Variants in TRIT1 observed in about 807,000 individuals in gnomAD.
TRIT1 encodes tRNA isopentenyltransferase 1.
Under a neutral mutation model 51.2 loss-of-function variants are expected in TRIT1, and 43 were observed. That is an observed-to-expected ratio of 0.84 (90% CI 0.66 to 1.08). The LOEUF is 1.08. Among genes scored for constraint, TRIT1 ranks in the 50% least tolerant of loss-of-function variants. The pLI is 0.00. For missense variants in TRIT1, 528 were observed against 578.4 expected (o/e 0.91, Z 0.89); for synonymous variants, 184 against 203.9 (o/e 0.90, Z 0.83).
intron 1 of TRIT1, among the ~76,000 whole-genome samples, chr1:39,871,903 T>A (rs959626612): frequency 1.3e-5 from 2 of 152,002 alleles, no homozygotes; most frequent in Admixed American, 6.6e-5. Context: ...ATGCAAAAAA[T>A]TTTTAAAAAT....
intron 1 of TRIT1, among the ~76,000 whole-genome samples, chr1:39,874,053 T>C (rs1643967452): frequency 6.6e-6 from 1 of 151,918 alleles, no homozygotes; most frequent in Non-Finnish European, 1.5e-5. Flanking sequence ...TACAACTATT[T>C]CAAAATCAAA....
rs574092839 is a variant in TRIT1, at chr1:39,838,911, G to A, written c.*2833C>T. On this transcript the variant is annotated 3_prime_UTR_variant, in exon 11 of 11. Coordinates refer to ENST00000316891, the MANE Select transcript of TRIT1 (RefSeq NM_017646.6). The stretch of plus-strand genomic sequence containing the variant: ...CAAAAAATTACTGAGAGTTAGGAAG[G>A]ATCAAGCCATATTCCTGGAATACAG... 1.3e-5 allele frequency among the ~76,000 whole-genome samples: 2 copies of A among 152,282 alleles called. No homozygotes were observed. Among genetic ancestry groups the A allele is most frequent in the East Asian group, 1.9e-4 (1 of 5,182 alleles).
intron 2 of TRIT1, 152 bp from the exon 3 acceptor site, chr1:39,854,220 C>T: frequency 1.7e-6 from 1 of 604,932 alleles, no homozygotes; most frequent in East Asian, 2.9e-5. Context: ...GTGTTTCCAA[C>T]AAATTTCCAG....
In TRIT1 at chr1:39,840,009, C is replaced by T. The variant is rs1357630666; in HGVS notation, c.*1735G>A. On this transcript the variant is annotated 3_prime_UTR_variant, in exon 11 of 11. Coordinates refer to ENST00000316891, the MANE Select transcript of TRIT1 (RefSeq NM_017646.6). ...TAGCTTGAGTCTACCAGCCTCACCT[C>T]AATTCCAGCTCTACCGCTTGCTAGC... Among the ~76,000 whole-genome samples the T allele has an allele frequency of 6.6e-6, 1 of 152,206 alleles. No homozygotes were observed. The highest frequency in any genetic ancestry group is 1.5e-5 in the Non-Finnish European group (1 of 68,040).
At position 39,847,562 on chromosome 1, in the gene TRIT1, T is replaced by C; in HGVS notation, c.914A>G (p.Gln305Arg). 6.2e-7 allele frequency: 1 copy of C among 1,614,216 alleles called. No homozygotes were observed. ...EGKCTLETSNQLLKKGIEALK... is the reference protein window; with the variant it reads ...EGKCTLETSNRLLKKGIEALK... ...AGAATTCACACCTTTCTTTAGAAGC[T>C]GGTTACTAGTCTCCAGTGTGCATTT... is the stretch of plus-strand genomic sequence containing the variant. The change falls in exon 7 of 11, where the codon CAG (glutamine) becomes CGG (arginine). Residue 305 changes from glutamine (Q) to arginine (R), a missense_variant. Physicochemically the swap from Gln to Arg is conservative, Grantham distance 43. This residue lies in a region of TRIT1 where 468 missense variants were observed against 522.6 expected (regional missense o/e 0.90). Transcript: ENST00000316891.
intron 8 of TRIT1, 189 bp downstream of exon 8, chr1:39,847,031 T>A (rs963561291): frequency 1.9e-5 from 3 of 162,054 alleles, no homozygotes; most frequent in African/African-American, 1.2e-4. Context: ...ATGCAAATAA[T>A]TTTTTTTTTT....
At chr1:39,852,680 C>G in intron 4 of TRIT1, 51 bp downstream of exon 4, 1 of 1,586,988 alleles carries the variant, frequency 6.3e-7, no homozygotes, top group Non-Finnish European at 8.6e-7. Context: ...GAAGAACTGA[C>G]TGCTCTCTAG....
intron 1 of TRIT1, among the ~76,000 whole-genome samples, chr1:39,878,985 C>T (rs1210104660): frequency 1.3e-5 from 2 of 152,170 alleles, no homozygotes; most frequent in African/African-American, 2.4e-5. Context: ...GTTAAAAACT[C>T]CTGGCCTGGC....
At chr1:39,850,454 A>C (rs1193764351) in intron 4 of TRIT1, among the ~76,000 whole-genome samples, 193 bp from the exon 5 acceptor site, 1 of 152,106 alleles carries the variant, frequency 6.6e-6, no homozygotes, top group African/African-American at 2.4e-5. Context: ...TGAGCTCAGG[A>C]GTTCAAGACC....
rs576852176 is a variant in TRIT1 at position 39,870,070 on chromosome 1, G to C, written c.175-12653C>G. Reference sequence around the variant, plus strand: ...CGATGGCGGTTTTGTCAAGTGGAAGGGGGGAAAGTGTGGGGAAAGGAAAGA... The same window carrying C: ...CGATGGCGGTTTTGTCAAGTGGAAGCGGGGAAAGTGTGGGGAAAGGAAAGA... On this transcript the variant is annotated intron_variant, in intron 1 of 10. Coordinates refer to ENST00000316891, the MANE Select transcript of TRIT1 (RefSeq NM_017646.6). Among the ~76,000 whole-genome samples the C allele has an allele frequency of 1.5e-4, 23 of 152,350 alleles. No homozygotes were observed. In the South Asian group the frequency reaches 3.3e-3, roughly 22 times the overall value.
intron 1 of TRIT1, chr1:39,881,694 T>C (rs1448537356): frequency 6.6e-6 from 1 of 152,234 alleles, no homozygotes; most frequent in Non-Finnish European, 1.5e-5. Context: ...TTCTTTCCTT[T>C]AATAAGCTTT....
At chr1:39,869,925 C>T (rs1437624157) in intron 1 of TRIT1, among the ~76,000 whole-genome samples, 5 of 150,892 alleles carry the variant, frequency 3.3e-5, no homozygotes, top group Admixed American at 6.6e-5. Flanking sequence ...CCGCCCCGTC[C>T]GGGAGGCGGG....
intron 3 of TRIT1, among the ~76,000 whole-genome samples, chr1:39,853,252 C>T (rs758782978): frequency 7.9e-5 from 12 of 152,194 alleles, no homozygotes; most frequent in Non-Finnish European, 1.5e-4. Context: ...GTAGCACCTA[C>T]GTAAATAAGG....
chr1:39,857,651 A>T (rs1557552912), intron 1 of TRIT1, among the ~76,000 whole-genome samples: 1 of 152,214 alleles, frequency 6.6e-6, no homozygotes, highest in Non-Finnish European at 1.5e-5. Flanking sequence ...GCTCAGATTT[A>T]AAGGTAAGAA....
intron 5 of TRIT1, among the ~76,000 whole-genome samples, chr1:39,849,128 T>C (rs1265326588): frequency 2.6e-5 from 4 of 152,208 alleles, no homozygotes; most frequent in Non-Finnish European, 5.9e-5. Flanking sequence ...CCTAGAAAGT[T>C]TGCATTTATT....
chr1:39,864,905 C>T (rs908867276), intron 1 of TRIT1, among the ~76,000 whole-genome samples: 13 of 152,160 alleles, frequency 8.5e-5, no homozygotes, highest in African/African-American at 3.1e-4. Context: ...TTGGTTCCTT[C>T]CCTGCAAGTT....
chr1:39,852,809 ACAAGACCATCCTCCTTTT>A lies in TRIT1; in HGVS notation c.464_481del (p.Glu155_Leu160del). 1 of 1,614,212 alleles carries A rather than the reference ACAAGACCATCCTCCTTTT, an allele frequency of 6.2e-7. No individual in the cohort carries two copies. Among genetic ancestry groups the A allele is most frequent in the Non-Finnish European group, 8.5e-7 (1 of 1,180,032 alleles). ...CACCTGGCTTAGGCGTTTGTGAAGT[ACAAGACCATCCTCCTTTT>A]CAAGCTCCACTTTTCGGTCAATCAC... is the stretch of plus-strand genomic sequence containing the variant. On this transcript the variant is annotated inframe_deletion, in exon 4 of 11. Coordinates refer to ENST00000316891, the MANE Select transcript of TRIT1 (RefSeq NM_017646.6).
At chr1:39,871,194 A>AT (rs1368999614) in intron 1 of TRIT1, among the ~76,000 whole-genome samples, 1 of 152,030 alleles carries the variant, frequency 6.6e-6, no homozygotes, top group East Asian at 1.9e-4. Flanking sequence ...ACTCCGTCTC[A>AT]TAAAAAAAAA....
intron 1 of TRIT1, chr1:39,876,090 C>CA (rs144707726): frequency 0.14 from 21,699 of 152,074 alleles, 2,035 homozygotes; most frequent in Non-Finnish European, 0.22. Flanking sequence ...ATCAAGAGGC[C>CA]AACAGGGTCC....
Sources: allele counts gnomAD v4.1 joint callset (sites outside exome capture counted in the v4.1 genomes callset), GRCh38; gene constraint gnomAD v4.1.1; regional missense constraint gnomAD v4.1.1; transcripts MANE v1.5; gene names NCBI Gene and HGNC (gene_info 2026-07-23, HGNC 2026-07-21).